Variants in PHF21A observed in about 807,000 individuals in gnomAD.
PHF21A encodes the protein BHC80a.
PHF21A carries 11 observed loss-of-function variants against 82.5 expected under a neutral mutation model. The observed-to-expected ratio is 0.13, with a 90% CI of 0.08 to 0.22. The LOEUF (loss-of-function observed/expected upper bound fraction) is 0.22, where lower values mean the gene tolerates loss of function less well. PHF21A is among the 10% of genes least tolerant of loss of function. The pLI, the probability that PHF21A is intolerant of heterozygous loss-of-function variation, is 1.00. For synonymous variants in PHF21A, 297 were observed against 302.8 expected (o/e 0.98, Z 0.20); for missense variants, 579 against 837.8 (o/e 0.69, Z 3.81).
intron 1 of PHF21A, among the ~76,000 whole-genome samples, chr11:46,120,125 ACACT>A (rs1469413762): frequency 6.7e-6 from 1 of 149,428 alleles, no homozygotes; most frequent in African/African-American, 2.5e-5. Flanking sequence ...ATGCACCAAC[ACACT>A]CACACTCACA....
At chr11:45,968,931 CAAAAAAAAAAAAAA>C (rs59583388) in intron 9 of PHF21A, among the ~76,000 whole-genome samples, 1 of 85,668 alleles carries the variant, frequency 1.2e-5, no homozygotes. Flanking sequence ...AACTCCATTG[CAAAAAAAAAAAAAA>C]AAAAAAAAAA....
chr11:46,065,298 T>G (rs1055688199), intron 6 of PHF21A, among the ~76,000 whole-genome samples: 2 of 152,154 alleles, frequency 1.3e-5, no homozygotes, highest in African/African-American at 4.8e-5. Flanking sequence ...GGCTTCTAAT[T>G]AAAGTTTTCC....
chr11:45,955,023 G>C (rs2135600462), intron 10 of PHF21A, among the ~76,000 whole-genome samples: 1 of 152,262 alleles, frequency 6.6e-6, no homozygotes, highest in East Asian at 1.9e-4. Flanking sequence ...GTAAGCATCT[G>C]CCTTATCAAT....
intron 6 of PHF21A, among the ~76,000 whole-genome samples, chr11:46,036,309 G>A (rs1050541861): frequency 5.9e-5 from 9 of 152,216 alleles, no homozygotes; most frequent in African/African-American, 1.9e-4. Flanking sequence ...GACATCCTGA[G>A]TCTAAGATGC....
At chr11:45,989,561 C>T (rs1329894984) in intron 6 of PHF21A, among the ~76,000 whole-genome samples, 2 of 150,374 alleles carry the variant, frequency 1.3e-5, no homozygotes, top group Non-Finnish European at 3.0e-5. Flanking sequence ...TCCAGCTACT[C>T]GGGAGGCTGA....
chr11:46,034,844 TGTGACCCTGGC>T (rs1555123359), intron 6 of PHF21A, among the ~76,000 whole-genome samples: 1 of 152,222 alleles, frequency 6.6e-6, no homozygotes, highest in Non-Finnish European at 1.5e-5. Flanking sequence ...ATAGTGGGCA[TGTGACCCTGGC>T]CACACAAATC....
chr11:45,968,743 A>T (rs1389032247), intron 9 of PHF21A, among the ~76,000 whole-genome samples: 1 of 151,824 alleles, frequency 6.6e-6, no homozygotes, highest in African/African-American at 2.4e-5. Context: ...ATTCCTGACC[A>T]ACATGACAAA....
At chr11:46,057,049 C>G (rs2139358386) in intron 6 of PHF21A, among the ~76,000 whole-genome samples, 2 of 151,920 alleles carry the variant, frequency 1.3e-5, no homozygotes, top group South Asian at 4.2e-4. Flanking sequence ...TGTTAGCACA[C>G]AAAAAATATT....
At chr11:46,045,652 T>C (rs1041752335) in intron 6 of PHF21A, among the ~76,000 whole-genome samples, 1 of 152,194 alleles carries the variant, frequency 6.6e-6, no homozygotes, top group Admixed American at 6.5e-5. Context: ...CAAGTTTCTC[T>C]CTCTGAATAT....
intron 1 of PHF21A, among the ~76,000 whole-genome samples, chr11:46,099,880 A>C (rs2097067534): frequency 6.6e-6 from 1 of 152,228 alleles, no homozygotes; most frequent in South Asian, 2.1e-4. Flanking sequence ...CAAATAAAAA[A>C]GAACCCTGAC....
At chr11:46,055,252 T>A (rs1463288182) in intron 6 of PHF21A, among the ~76,000 whole-genome samples, 2 of 152,164 alleles carry the variant, frequency 1.3e-5, no homozygotes, top group Non-Finnish European at 2.9e-5. Context: ...TAATTTTTTT[T>A]ATCATTTCCA....
intron 18 of PHF21A, 47 bp downstream of exon 18, chr11:45,935,589 G>T: frequency 1.1e-6 from 1 of 933,954 alleles, no homozygotes; most frequent in Non-Finnish European, 1.8e-6. Context: ...AAAGGCCTAG[G>T]TCTCTGCACC....
chr11:46,042,651 C>A (rs1050768978), intron 6 of PHF21A, among the ~76,000 whole-genome samples: 2 of 152,034 alleles, frequency 1.3e-5, no homozygotes, highest in African/African-American at 4.8e-5. Context: ...GAAATCTAAT[C>A]CCCAGTGCAA....
At chr11:46,063,146 T>TA (rs1013763472) in intron 6 of PHF21A, among the ~76,000 whole-genome samples, 4 of 152,062 alleles carry the variant, frequency 2.6e-5, no homozygotes, top group Non-Finnish European at 5.9e-5. Flanking sequence ...TAAAAGTGGC[T>TA]AAAAAAATGA....
chr11:46,081,941 T>C (rs1361690343), intron 4 of PHF21A, among the ~76,000 whole-genome samples: 2 of 152,200 alleles, frequency 1.3e-5, no homozygotes, highest in Non-Finnish European at 2.9e-5. Context: ...CAAAAAAATT[T>C]GCTAACTTCT....
chr11:46,010,328 A>G (rs1297938650), intron 6 of PHF21A, among the ~76,000 whole-genome samples: 1 of 152,234 alleles, frequency 6.6e-6, no homozygotes, highest in Non-Finnish European at 1.5e-5. Context: ...TACAGTTAAC[A>G]AAGGCTTTTC....
intron 6 of PHF21A, among the ~76,000 whole-genome samples, chr11:46,028,027 A>C (rs1592180228): frequency 6.6e-6 from 1 of 152,290 alleles, no homozygotes; most frequent in East Asian, 1.9e-4. Flanking sequence ...CATTTGCTAC[A>C]GTTGAAATTT....
intron 11 of PHF21A, among the ~76,000 whole-genome samples, 165 bp from the exon 12 acceptor site, chr11:45,950,422 G>A (rs1385827564): frequency 2.0e-4 from 30 of 152,060 alleles, no homozygotes. Flanking sequence ...CTACAGCAGG[G>A]GTGTCCAAGC....
At chr11:45,959,019 C>T (rs1311199666) in intron 10 of PHF21A, among the ~76,000 whole-genome samples, 1 of 152,104 alleles carries the variant, frequency 6.6e-6, no homozygotes, top group African/African-American at 2.4e-5. Flanking sequence ...CAACAAAATA[C>T]CAGCAAACTG....
Sources: allele counts gnomAD v4.1 joint callset (sites outside exome capture counted in the v4.1 genomes callset), GRCh38; gene constraint gnomAD v4.1.1; transcripts MANE v1.5; gene names NCBI Gene and HGNC (gene_info 2026-07-23, HGNC 2026-07-21).